CADM2: variants seen among roughly 807,000 people sequenced by gnomAD.
CADM2 encodes cell adhesion molecule 2.
Under a neutral mutation model 49.8 loss-of-function variants are expected in CADM2, and 12 were observed. That is an observed-to-expected ratio of 0.24 (90% confidence interval 0.15 to 0.39). The LOEUF (loss-of-function observed/expected upper bound fraction) is 0.39, where lower values mean the gene tolerates loss of function less well. Among genes scored for constraint, CADM2 ranks in the 10% least tolerant of loss-of-function variants. The probability of loss-of-function intolerance (pLI) is 1.00; values close to 1 mark genes in which losing one functional copy is unlikely to be tolerated. For synonymous variants in CADM2, 214 were observed against 175.4 expected (o/e 1.22, Z -1.74); for missense variants, 378 against 492.3 (o/e 0.77, Z 2.20).
chr3:85,749,007 G>A (rs534672715), intron 2 of CADM2, among the ~76,000 whole-genome samples: 1 of 152,096 alleles, frequency 6.6e-6, no homozygotes, highest in South Asian at 2.1e-4. Flanking sequence ...GCTTTTCAGA[G>A]TATAGCTTCA....
intron 8 of CADM2, among the ~76,000 whole-genome samples, chr3:85,965,032 A>C (rs941726967): frequency 6.6e-6 from 1 of 151,614 alleles, no homozygotes; most frequent in Non-Finnish European, 1.5e-5. Context: ...CACCCAATAG[A>C]TATATAGTAC....
At chr3:85,320,766 C>T (rs968736725) in intron 1 of CADM2, among the ~76,000 whole-genome samples, 2 of 151,956 alleles carry the variant, frequency 1.3e-5, no homozygotes, top group Non-Finnish European at 2.9e-5. Flanking sequence ...TCTGTAACTT[C>T]CTTTTGGGGT....
intron 1 of CADM2, among the ~76,000 whole-genome samples, chr3:85,708,461 G>A (rs999320775): frequency 6.6e-6 from 1 of 152,028 alleles, no homozygotes; most frequent in East Asian, 1.9e-4. Context: ...TTTAGTTTGT[G>A]ATTGCTACCT....
chr3:85,430,618 G>C (rs1415389168), intron 1 of CADM2, among the ~76,000 whole-genome samples: 3 of 150,854 alleles, frequency 2.0e-5, no homozygotes, highest in East Asian at 2.0e-4. Flanking sequence ...GGGGCGGTGG[G>C]GGGGAGTAAA....
chr3:85,179,619 G>A (rs2040874250), intron 1 of CADM2, among the ~76,000 whole-genome samples: 1 of 151,798 alleles, frequency 6.6e-6, no homozygotes, highest in South Asian at 2.1e-4. Flanking sequence ...ATTTAATTAA[G>A]AGTAATAGAA....
chr3:85,059,920 T>C (rs900096477), intron 1 of CADM2, among the ~76,000 whole-genome samples: 3 of 152,112 alleles, frequency 2.0e-5, no homozygotes, highest in Non-Finnish European at 1.5e-5. Context: ...GTAAATCTAG[T>C]CCAGAAGAAA....
intron 8 of CADM2, among the ~76,000 whole-genome samples, chr3:85,977,448 A>G: frequency 6.6e-6 from 1 of 151,608 alleles, no homozygotes; most frequent in Non-Finnish European, 1.5e-5. Flanking sequence ...GCAGTTATTA[A>G]ATGTATATAT....
intron 1 of CADM2, among the ~76,000 whole-genome samples, chr3:85,442,639 T>C (rs1432571374): frequency 7.1e-6 from 1 of 141,116 alleles, no homozygotes; most frequent in Non-Finnish European, 1.5e-5. Flanking sequence ...TATATGAATA[T>C]TGCCATCAGC....
chr3:86,039,273 G>T lies in CADM2; in HGVS notation c.971-26332G>T, dbSNP rs576179627. Among the ~76,000 whole-genome samples, 547 of 152,046 alleles carry T rather than the reference G, an allele frequency of 3.6e-3. 4 individuals carry two copies. Among genetic ancestry groups the T allele is most frequent in the African/African-American group, 0.012 (509 of 41,516 alleles). ...ATGAGCCAAAGCAGGGTGAGGCATT[G>T]CCTCACCTGGGAAGTGAAAGGGGTC... On this transcript the variant is annotated intron_variant, in intron 8 of 9. Transcript: ENST00000383699.
At chr3:85,937,857 G>A (rs940619482) in intron 7 of CADM2, among the ~76,000 whole-genome samples, 5 of 151,940 alleles carry the variant, frequency 3.3e-5, no homozygotes, top group African/African-American at 1.2e-4. Flanking sequence ...AATAACTCAT[G>A]AGCTCCACAA....
chr3:85,780,647 T>G (rs2070589568), intron 2 of CADM2, among the ~76,000 whole-genome samples: 1 of 152,208 alleles, frequency 6.6e-6, no homozygotes, highest in Non-Finnish European at 1.5e-5. Flanking sequence ...CATATGTTGA[T>G]CAGTCCTCCT....
At chr3:85,010,194 A>T (rs2033924198) in intron 1 of CADM2, among the ~76,000 whole-genome samples, 1 of 152,158 alleles carries the variant, frequency 6.6e-6, no homozygotes, top group Non-Finnish European at 1.5e-5. Context: ...ATTTTTATTA[A>T]TGCAACCCAA....
chr3:85,155,758 A>G (rs1195965386), intron 1 of CADM2, among the ~76,000 whole-genome samples: 1 of 152,214 alleles, frequency 6.6e-6, no homozygotes, highest in African/African-American at 2.4e-5. Context: ...CCACAGTGCA[A>G]TCAAACTAGA....
At chr3:86,044,509 A>C (rs77000564) in intron 8 of CADM2, among the ~76,000 whole-genome samples, 6,327 of 152,284 alleles carry the variant, frequency 0.042, 359 homozygotes, top group East Asian at 0.21. Context: ...AACCACAATG[A>C]GATACCATCT....
chr3:85,188,036 A>T (rs2041106141), intron 1 of CADM2, among the ~76,000 whole-genome samples: 1 of 152,010 alleles, frequency 6.6e-6, no homozygotes, highest in Admixed American at 6.6e-5. Flanking sequence ...TAACATATAA[A>T]TTAATATTTC....
chr3:85,279,818 G>C (rs748359336), intron 1 of CADM2, among the ~76,000 whole-genome samples: 3 of 151,520 alleles, frequency 2.0e-5, no homozygotes, highest in Non-Finnish European at 3.0e-5. Flanking sequence ...GAAAATAGCT[G>C]TTTTAACTGT....
intron 1 of CADM2, among the ~76,000 whole-genome samples, chr3:85,225,193 G>A (rs186226808): frequency 6.6e-6 from 1 of 152,152 alleles, no homozygotes; most frequent in South Asian, 2.1e-4. Flanking sequence ...ACTTTGGGCA[G>A]TATGGCCATT....
chr3:86,009,090 A>G (rs1031792645), intron 8 of CADM2, among the ~76,000 whole-genome samples: 17 of 123,008 alleles, frequency 1.4e-4, no homozygotes, highest in African/African-American at 4.7e-4. Context: ...ACTTGGTGTT[A>G]TAGTGTGTGT....
At chr3:85,041,074 C>A (rs1418710151) in intron 1 of CADM2, among the ~76,000 whole-genome samples, 1 of 152,150 alleles carries the variant, frequency 6.6e-6, no homozygotes, top group African/African-American at 2.4e-5. Flanking sequence ...ATATGTTAAA[C>A]ACCGACTTAA....
Sources: gnomAD v4.1 joint callset for allele counts (sites outside exome capture counted in the v4.1 genomes callset) on GRCh38, gnomAD v4.1.1 for gene constraint, MANE v1.5 for transcripts, NCBI Gene and HGNC (gene_info 2026-07-23, HGNC 2026-07-21) for gene names.